The following NR2C2 variants were observed in gnomAD, a reference collection of about 807,000 sequenced individuals.
NR2C2 encodes the protein Nuclear hormone receptor TR4.
In NR2C2, 6 loss-of-function variants were observed where a neutral mutation model predicts 62.9. That is an observed-to-expected ratio of 0.10 (90% CI 0.05 to 0.19). The LOEUF (loss-of-function observed/expected upper bound fraction) is 0.19. Ranked by LOEUF, NR2C2 falls within the 10% of genes least tolerant of loss-of-function variation. The pLI is 1.00. For missense variants in NR2C2, 479 were observed against 762.7 expected, an observed-to-expected ratio of 0.63 and a Z score of 4.38; for synonymous variants, 272 against 273.8, an observed-to-expected ratio of 0.99 and a Z score of 0.07.
chr3:14,990,706 GAA>G (rs1559549494), intron 1 of NR2C2, among the ~76,000 whole-genome samples: 1 of 152,168 alleles, frequency 6.6e-6, no homozygotes, highest in African/African-American at 2.4e-5. Context: ...GTGTCCTAAA[GAA>G]AACAAGACTG....
intron 5 of NR2C2, among the ~76,000 whole-genome samples, chr3:15,022,524 G>A (rs946175756): frequency 4.7e-5 from 7 of 148,802 alleles, no homozygotes; most frequent in Admixed American, 2.7e-4. Context: ...CCCTGCCTCA[G>A]CCTCCCAAGT....
At chr3:15,011,925 T>C (rs963877517) in intron 2 of NR2C2, among the ~76,000 whole-genome samples, 3 of 152,226 alleles carry the variant, frequency 2.0e-5, no homozygotes, top group African/African-American at 7.2e-5. Context: ...ATTCTGCTTT[T>C]TGTTTTCTCC....
At position 15,046,690 on chromosome 3, in the gene NR2C2, A is replaced by C. The variant is rs1410675375; in HGVS notation, c.*3682A>C. On this transcript the variant is annotated 3_prime_UTR_variant, in exon 14 of 14. Transcript: ENST00000425241. ...TATGTGCAATGGGGTCATAGGTAAC[A>C]TTTTAACTCTTTTCTTAGTCCAGGT... 6.6e-6 allele frequency: 1 copy of C among 152,474 alleles called. No individual in the cohort carries two copies. Among genetic ancestry groups the C allele is most frequent in the African/African-American group, 2.4e-5 (1 of 41,458 alleles). 9.4% of individuals were successfully genotyped at this position (152,474 alleles called of 1,614,324 possible).
chr3:15,036,135 A>G (rs1030663542), intron 11 of NR2C2, among the ~76,000 whole-genome samples: 2 of 152,274 alleles, frequency 1.3e-5, no homozygotes, highest in African/African-American at 4.8e-5. Context: ...GGTTGCAGTG[A>G]GCCGAGACTG....
At chr3:14,988,351 G>A (rs151020335) in intron 1 of NR2C2, among the ~76,000 whole-genome samples, 2 of 152,378 alleles carry the variant, frequency 1.3e-5, no homozygotes, top group East Asian at 3.9e-4. Flanking sequence ...TACAGGTAGA[G>A]AGAGGCACTG....
intron 7 of NR2C2, among the ~76,000 whole-genome samples, chr3:15,027,402 A>G (rs1296978591): frequency 6.6e-6 from 1 of 152,240 alleles, no homozygotes; most frequent in Non-Finnish European, 1.5e-5. Flanking sequence ...CTGTGTAGGA[A>G]GGTTCTCATT....
chr3:15,042,807 C>G (rs201273764), intron 13 of NR2C2, 27 bp from the exon 14 acceptor site: 1,094 of 1,605,694 alleles, frequency 6.8e-4, no homozygotes, highest in Non-Finnish European at 8.6e-4. Flanking sequence ...AAACAGTCTC[C>G]TTTTCTAATG....
chr3:15,020,436 C>G (rs1057033946), intron 4 of NR2C2, among the ~76,000 whole-genome samples: 11 of 152,232 alleles, frequency 7.2e-5, no homozygotes, highest in African/African-American at 2.7e-4. Context: ...TCAGCCGTCA[C>G]CTGTGAGCTC....
At chr3:15,034,540 G>A (rs957064656) in intron 10 of NR2C2, 130 bp from the exon 11 acceptor site, 18 of 835,296 alleles carry the variant, frequency 2.2e-5, no homozygotes, top group African/African-American at 3.4e-5. Flanking sequence ...GAATGATCCT[G>A]GATAGCACTT....
chr3:14,987,455 T>A (rs1462295627), intron 1 of NR2C2, among the ~76,000 whole-genome samples: 2 of 152,172 alleles, frequency 1.3e-5, no homozygotes, highest in Non-Finnish European at 2.9e-5. Flanking sequence ...GAAAATAAGA[T>A]CATTCATACT....
intron 1 of NR2C2, among the ~76,000 whole-genome samples, chr3:14,989,509 T>C (rs932650978): frequency 4.6e-5 from 7 of 152,120 alleles, no homozygotes; most frequent in Non-Finnish European, 1.0e-4. Context: ...TTTAAGAATA[T>C]TAGGGCCAGG....
chr3:14,991,855 A>G (rs1054503483), intron 1 of NR2C2, among the ~76,000 whole-genome samples: 5 of 147,218 alleles, frequency 3.4e-5, no homozygotes, highest in African/African-American at 1.3e-4. Context: ...CTGTAGCCTC[A>G]AACTCCTGAG....
intron 4 of NR2C2, 69 bp from the exon 5 acceptor site, chr3:15,020,684 C>A: frequency 6.5e-7 from 1 of 1,549,718 alleles, no homozygotes. Context: ...CAGGAACTGA[C>A]AGATCACCTC....
At chr3:15,039,932 G>C (rs6442495) in intron 13 of NR2C2, among the ~76,000 whole-genome samples, 64,774 of 151,402 alleles carry the variant, frequency 0.43, 16,318 homozygotes, top group African/African-American at 0.71. Context: ...GGGTGGATCA[G>C]GAGGTCACGA....
chr3:14,953,755 C>T (rs188867827), intron 1 of NR2C2, among the ~76,000 whole-genome samples: 14 of 152,090 alleles, frequency 9.2e-5, no homozygotes, highest in Non-Finnish European at 1.3e-4. Flanking sequence ...ATTAGCTGGG[C>T]GTGGTGGCAG....
At chr3:14,966,187 C>T (rs1447023795) in intron 1 of NR2C2, among the ~76,000 whole-genome samples, 4 of 152,148 alleles carry the variant, frequency 2.6e-5, no homozygotes, top group Non-Finnish European at 5.9e-5. Flanking sequence ...ATTGTTTACT[C>T]AATCAGCAGA....
At chr3:14,961,266 G>A (rs1459001758) in intron 1 of NR2C2, among the ~76,000 whole-genome samples, 2 of 152,156 alleles carry the variant, frequency 1.3e-5, no homozygotes, top group African/African-American at 4.8e-5. Context: ...TAAATAGAAT[G>A]ATGTAGAAAG....
At chr3:14,991,991 CAA>C (rs1299810210) in intron 1 of NR2C2, among the ~76,000 whole-genome samples, 1 of 151,928 alleles carries the variant, frequency 6.6e-6, no homozygotes, top group East Asian at 1.9e-4. Flanking sequence ...GGCTGGTACT[CAA>C]ACTCCTGGCC....
intron 2 of NR2C2, among the ~76,000 whole-genome samples, chr3:15,005,376 T>C (rs2041140403): frequency 6.8e-6 from 1 of 147,454 alleles, no homozygotes; most frequent in Non-Finnish European, 1.5e-5. Context: ...TGCTTTTTTT[T>C]TTTTTTTTTT....
Sources: allele counts gnomAD v4.1 joint callset (sites outside exome capture counted in the v4.1 genomes callset), GRCh38; gene constraint gnomAD v4.1.1; transcripts MANE v1.5; gene names NCBI Gene and HGNC (gene_info 2026-07-23, HGNC 2026-07-21).